ZNF611: variants seen among roughly 807,000 people sequenced by gnomAD.
ZNF611 encodes the protein zinc finger protein 611.
In ZNF611, 6 loss-of-function variants were observed where a neutral mutation model predicts 8.9. The observed-to-expected ratio is 0.68, with a 90% CI of 0.37 to 1.34. The LOEUF (loss-of-function observed/expected upper bound fraction) is 1.34, where lower values mean the gene tolerates loss of function less well. Ranked by LOEUF, ZNF611 falls within the 40% of genes most tolerant of loss-of-function variation. The pLI, the probability that ZNF611 is intolerant of heterozygous loss-of-function variation, is 0.02. For synonymous variants in ZNF611, 262 were observed against 279.7 expected (o/e 0.94, Z 0.63); for missense variants, 874 against 841.3 (o/e 1.04, Z -0.48).
intron 5 of ZNF611, among the ~76,000 whole-genome samples, chr19:52,713,245 C>G (rs182880856): frequency 2.6e-5 from 4 of 152,224 alleles, no homozygotes; most frequent in South Asian, 2.1e-4. Flanking sequence ...AAGTTGAAAG[C>G]CACTGTGTCT....
chr19:52,728,276 C>T (rs567644450), intron 3 of ZNF611, among the ~76,000 whole-genome samples: 1 of 151,876 alleles, frequency 6.6e-6, no homozygotes, highest in Non-Finnish European at 1.5e-5. Flanking sequence ...TGGTGGGTCA[C>T]GCCTGTAATC....
At chr19:52,725,077 A>G (rs573403948) in intron 3 of ZNF611, among the ~76,000 whole-genome samples, 36 of 152,122 alleles carry the variant, frequency 2.4e-4, no homozygotes, top group African/African-American at 8.7e-4. Flanking sequence ...TTTGACCCAA[A>G]CAATCACACG....
At position 52,703,698 on chromosome 19, in the gene ZNF611, T is replaced by C. The variant is rs1414493738; in HGVS notation, c.*1239A>G. The C allele has an allele frequency of 6.6e-6, 1 of 151,404 alleles. No individual in the cohort carries two copies. Among genetic ancestry groups the C allele is most frequent in the African/African-American group, 2.4e-5 (1 of 40,984 alleles). The allele number at this position is 151,404 out of a possible 1,614,324, so 9.4% of individuals were successfully genotyped here. On this transcript the variant is annotated 3_prime_UTR_variant, in exon 6 of 6. Coordinates refer to ENST00000652185, the MANE Select transcript of ZNF611 (RefSeq NM_001161499.2). ...GCTCCGCCTCACAGGTTCATGCCATTCTCCTGCCTCAGCATCTGGAGTAGC... is the reference window on the plus strand; with the variant it reads ...GCTCCGCCTCACAGGTTCATGCCATCCTCCTGCCTCAGCATCTGGAGTAGC...
rs771573581 is a variant in ZNF611, at chr19:52,706,169, A to G, written c.886T>C (p.Phe296Leu). The change falls in exon 6 of 6, where the codon TTC becomes CTC. Residue 296 changes from phenylalanine (F) to leucine (L), a missense_variant. Phe to Leu is a conservative substitution (Grantham distance 22, BLOSUM62 0). Coordinates refer to ENST00000652185, the MANE Select transcript of ZNF611 (RefSeq NM_001161499.2). ...PYKCKECGKT[F>L]SQESSLTCHR... Reference sequence around the variant, plus strand: ...CAGGTAAGGGATGACTCCTGACTGAAGGTCTTGCCACACTCTTTACACTTG... The same window carrying G: ...CAGGTAAGGGATGACTCCTGACTGAGGGTCTTGCCACACTCTTTACACTTG... The G allele has an allele frequency of 1.2e-6, 2 of 1,614,128 alleles. No individual in the cohort carries two copies. Among genetic ancestry groups the G allele is most frequent in the Non-Finnish European group, 1.7e-6 (2 of 1,179,978 alleles).
intron 3 of ZNF611, among the ~76,000 whole-genome samples, chr19:52,720,353 C>G (rs531014503): frequency 1.5e-3 from 235 of 152,254 alleles, no homozygotes; most frequent in African/African-American, 5.4e-3. Context: ...GCGCCCCCCA[C>G]CTCCCCGACG....
At position 52,705,781 on chromosome 19, in the gene ZNF611, G is replaced by C. The variant is rs778502893; in HGVS notation, c.1274C>G (p.Thr425Ser). ...RHRRIHTAKKTYKCNECGKTF... is the reference protein window; with the variant it reads ...RHRRIHTAKKSYKCNECGKTF... ...CTTGCCACACTCATTACATTTATAAGTTTTCTTTGCAGTATGAATTCTTCT... is the reference window on the plus strand; with the variant it reads ...CTTGCCACACTCATTACATTTATAACTTTTCTTTGCAGTATGAATTCTTCT... The change falls in exon 6 of 6, where the codon ACT becomes AGT. Residue 425 changes from threonine (T) to serine (S), a missense_variant. Transcript: ENST00000652185. 11 of 1,613,734 alleles carry C rather than the reference G, an allele frequency of 6.8e-6. No individual in the cohort carries two copies. Among genetic ancestry groups the C allele is most frequent in the Non-Finnish European group, 9.3e-6 (11 of 1,179,950 alleles).
chr19:52,716,501 G>A (rs1390227070), intron 3 of ZNF611, among the ~76,000 whole-genome samples: 1 of 152,204 alleles, frequency 6.6e-6, no homozygotes, highest in Non-Finnish European at 1.5e-5. Context: ...TCCCCTTGGG[G>A]CCTTGTTCTC....
Position 52,704,345 on chromosome 19 carries a change from G to A in ZNF611, c.*592C>T. ...GGACTGAAGACCTTGCCACACTGAT[G>A]ACATTTGTAAGATTTCTGTCCAGTA... On this transcript the variant is annotated 3_prime_UTR_variant, in exon 6 of 6. Transcript: ENST00000652185. 1.6e-6 allele frequency: 1 copy of A among 610,576 alleles called. No homozygotes were observed. Among genetic ancestry groups the A allele is most frequent in the Non-Finnish European group, 3.2e-6 (1 of 312,532 alleles). 37.8% of individuals were successfully genotyped at this position (610,576 alleles called of 1,614,324 possible).
At chr19:52,719,168 C>CA (rs1437374696) in intron 3 of ZNF611, among the ~76,000 whole-genome samples, 1 of 151,374 alleles carries the variant, frequency 6.6e-6, no homozygotes, top group Non-Finnish European at 1.5e-5. Flanking sequence ...GACTCCATCT[C>CA]AAAAAGAAAA....
chr19:52,721,286 G>A (rs1017950303), intron 3 of ZNF611: 27 of 169,136 alleles, frequency 1.6e-4, no homozygotes, highest in East Asian at 8.9e-4. Flanking sequence ...GGTGGTGGCC[G>A]GGCAGAGGCT....
At chr19:52,718,637 A>G (rs2062333763) in intron 3 of ZNF611, among the ~76,000 whole-genome samples, 1 of 151,292 alleles carries the variant, frequency 6.6e-6, no homozygotes, top group African/African-American at 2.4e-5. Flanking sequence ...CATCTCTACT[A>G]AAAATACAAA....
rs376669635 is a variant in ZNF611 at position 52,705,060 on chromosome 19, C to T, written c.1995G>A (p.Leu665=). Residue 665 remains leucine, a synonymous_variant, in exon 6 of 6, where the codon CTG becomes CTA. Coordinates refer to ENST00000652185, the MANE Select transcript of ZNF611 (RefSeq NM_001161499.2). ...CAGTGTGAATTCTGGTATGTCTTGA[C>T]AGGAGTGAATTACGCACGAAAGCCT... ...CDKAFVRNSL[L]SRHTRIHTAE... 1.9e-6 allele frequency: 3 copies of T among 1,613,950 alleles called. No individual in the cohort carries two copies. The highest frequency in any genetic ancestry group is 2.7e-5 in the African/African-American group (2 of 74,872).
rs2062407510 is a variant in ZNF611 at position 52,728,773 on chromosome 19, T to A, written c.-63A>T. On this transcript the variant is annotated 5_prime_UTR_variant, in exon 3 of 6. It removes the in-frame stop codon of an upstream open reading frame in the 5' UTR. Coordinates refer to ENST00000652185, the MANE Select transcript of ZNF611 (RefSeq NM_001161499.2). ...GCAAAAACAGGGCTCACTGCAGCCT[T>A]CAACTCCCTGGCTCAAGTGATCCTC... is the stretch of plus-strand genomic sequence containing the variant. 6.3e-6 allele frequency: 1 copy of A among 157,888 alleles called. No homozygotes were observed. The allele number at this position is 157,888 out of a possible 1,614,324, so 9.8% of individuals were successfully genotyped here.
intron 3 of ZNF611, among the ~76,000 whole-genome samples, chr19:52,726,401 TTTTTC>T (rs1391902707): frequency 2.0e-5 from 3 of 152,188 alleles, no homozygotes; most frequent in Non-Finnish European, 4.4e-5. Flanking sequence ...TCGCGCGCTC[TTTTTC>T]TTTTCTTTCC....
chr19:52,734,536 C>CG (rs3029477), intron 1 of ZNF611, among the ~76,000 whole-genome samples: 1,462 of 127,674 alleles, frequency 0.011, 58 homozygotes, highest in South Asian at 0.023. Context: ...AGGTGCGGGG[C>CG]GGGGGGGGGG....
rs1443509330 is a variant in ZNF611, at chr19:52,705,482, G to A, written c.1573C>T (p.Leu525Phe). The A allele has an allele frequency of 1.2e-6, 2 of 1,613,716 alleles. No individual in the cohort carries two copies. The highest frequency in any genetic ancestry group is 1.6e-4 in the Middle Eastern group (1 of 6,062). Residue 525 changes from leucine to phenylalanine, a missense_variant, in exon 6 of 6, where the codon CTT becomes TTT. By Grantham distance (22) the Leu-to-Phe change is conservative. Coordinates refer to ENST00000652185, the MANE Select transcript of ZNF611 (RefSeq NM_001161499.2). ...CEKVFSRKSS[L>F]ETHKIGHTGE... ...GTATGACCTATCTTATGTGTCTCAA[G>A]GCTTGATTTACGACTGAAAACCTTT...
At chr19:52,713,618 A>G (rs1431497616) in intron 5 of ZNF611, among the ~76,000 whole-genome samples, 1 of 152,058 alleles carries the variant, frequency 6.6e-6, no homozygotes, top group Non-Finnish European at 1.5e-5. Flanking sequence ...TGAGCTGGGC[A>G]TGGTGGCTCA....
chr19:52,728,406 C>T (rs1461934115), intron 3 of ZNF611, among the ~76,000 whole-genome samples: 1 of 152,062 alleles, frequency 6.6e-6, no homozygotes, highest in African/African-American at 2.4e-5. Flanking sequence ...GGCATTACAG[C>T]GGGTGCCTGT....
chr19:52,717,714 G>C (rs1249884457), intron 3 of ZNF611: 3 of 983,696 alleles, frequency 3.0e-6, no homozygotes, highest in Non-Finnish European at 3.6e-6. Flanking sequence ...TTATGGACCA[G>C]AGGGAATTGA....
Sources: gnomAD v4.1 joint callset for allele counts (sites outside exome capture counted in the v4.1 genomes callset) on GRCh38, gnomAD v4.1.1 for gene constraint, MANE v1.5 for transcripts, NCBI Gene and HGNC (gene_info 2026-07-23, HGNC 2026-07-21) for gene names.